MED13: variants seen among roughly 807,000 people sequenced by gnomAD.
The protein encoded by MED13 is mediator of RNA polymerase II transcription subunit 13.
Under a neutral mutation model 225.2 loss-of-function variants are expected in MED13, and 23 were observed. That is an observed-to-expected ratio of 0.10 (90% CI 0.07 to 0.14). MED13 has a LOEUF of 0.14. MED13 is among the 10% of genes least tolerant of loss of function. The pLI is 1.00. For missense variants in MED13, 2,197 were observed against 2,594.5 expected (o/e 0.85, Z 3.33); for synonymous variants, 942 against 889.2 (o/e 1.06, Z -1.06).
intron 15 of MED13, among the ~76,000 whole-genome samples, 191 bp from the exon 16 acceptor site, chr17:61,983,305 T>C (rs575602342): frequency 2.0e-5 from 3 of 152,312 alleles, no homozygotes; most frequent in African/African-American, 7.2e-5. Flanking sequence ...GTGATTGTTG[T>C]TGACTAAGGA....
Position 61,964,878 on chromosome 17 carries a change from G to T in MED13, c.4844+128C>A. On this transcript the variant is annotated intron_variant, in intron 20 of 29. Coordinates refer to ENST00000397786, the MANE Select transcript of MED13 (RefSeq NM_005121.3). Reference sequence around the variant, plus strand: ...TTGAACTCGGGAGGCAGAGGTTGCAGTGAGTGCAGATCCCACCACTGCAGT... The same window carrying T: ...TTGAACTCGGGAGGCAGAGGTTGCATTGAGTGCAGATCCCACCACTGCAGT... 5 of 840,486 alleles carry T rather than the reference G, an allele frequency of 5.9e-6. No individual in the cohort carries two copies. The South Asian group carries it at 9.3e-5, about 16-fold the overall frequency. The allele number at this position is 840,486 out of a possible 1,614,324, so 52.1% of individuals were successfully genotyped here. A position where few individuals can be genotyped will look rare whatever the true frequency, so the allele number is the denominator to read the frequency against.
intron 20 of MED13, among the ~76,000 whole-genome samples, chr17:61,963,951 A>G (rs1055964717): frequency 6.6e-6 from 1 of 152,240 alleles, no homozygotes; most frequent in Non-Finnish European, 1.5e-5. Flanking sequence ...AATGTATATT[A>G]TATCATATTA....
intron 26 of MED13, among the ~76,000 whole-genome samples, chr17:61,953,573 C>T (rs945639794): frequency 6.6e-6 from 1 of 152,142 alleles, no homozygotes; most frequent in African/African-American, 2.4e-5. Context: ...ATGCAAGTAG[C>T]CTGTAGAAAC....
At chr17:62,056,190 C>T (rs1386246893) in intron 2 of MED13, among the ~76,000 whole-genome samples, 6 of 152,160 alleles carry the variant, frequency 3.9e-5, no homozygotes, top group African/African-American at 9.7e-5. Flanking sequence ...AAACAAGAAG[C>T]CTACTGAGCC....
chr17:62,065,047 G>C (rs985816755), intron 1 of MED13, 93 bp downstream of exon 1: 55 of 1,156,460 alleles, frequency 4.8e-5, no homozygotes, highest in Non-Finnish European at 5.7e-5. Context: ...CCGGGAACTC[G>C]GGCATCTGGA....
chr17:61,987,724 T>C (rs1483571045), intron 11 of MED13, among the ~76,000 whole-genome samples: 2 of 152,076 alleles, frequency 1.3e-5, no homozygotes, highest in African/African-American at 4.8e-5. Flanking sequence ...AGAAAAACAA[T>C]TAAATACACA....
rs545265764 is a variant in MED13, at chr17:62,001,042, G to A, written c.1968-5677C>T. Among the ~76,000 whole-genome samples, 18 of 152,238 alleles carry A rather than the reference G, an allele frequency of 1.2e-4. No homozygotes were observed. The South Asian group carries it at 2.1e-3, about 18-fold the overall frequency. On this transcript the variant is annotated intron_variant, in intron 9 of 29. Transcript: ENST00000397786. Reference sequence around the variant, plus strand: ...CTCCCAAAGTGCTGGGATTACAGGCGTGAGTCACTGCGCCCAGCCTAGGTA... The same window carrying A: ...CTCCCAAAGTGCTGGGATTACAGGCATGAGTCACTGCGCCCAGCCTAGGTA...
chr17:61,947,614 G>C (rs960553595), intron 28 of MED13, among the ~76,000 whole-genome samples: 1 of 152,098 alleles, frequency 6.6e-6, no homozygotes, highest in Non-Finnish European at 1.5e-5. Context: ...CAAATAGTTT[G>C]GTTACAGCAC....
chr17:61,995,382 A>G lies in MED13; in HGVS notation c.1968-17T>C. 1 of 1,549,120 alleles carries G rather than the reference A, an allele frequency of 6.5e-7. No individual in the cohort carries two copies. Among genetic ancestry groups the G allele is most frequent in the Non-Finnish European group, 8.7e-7 (1 of 1,150,426 alleles). On this transcript the variant is annotated splice_polypyrimidine_tract_variant and intron_variant, in intron 9 of 29. Transcript: ENST00000397786. The stretch of plus-strand genomic sequence containing the variant: ...ACCATTAACCTGCATAAAAAAATTA[A>G]AAAAAATTAATTATCCACATAAGCA...
chr17:62,029,643 T>A lies in MED13; in HGVS notation c.1181A>T (p.Tyr394Phe). The A allele has an allele frequency of 6.2e-7, 1 of 1,611,626 alleles. No individual in the cohort carries two copies. The highest frequency in any genetic ancestry group is 8.5e-7 in the Non-Finnish European group (1 of 1,178,574). Residue 394 changes from tyrosine (Y) to phenylalanine (F), a missense_variant, in exon 8 of 30, where the codon TAT (tyrosine) becomes TTT (phenylalanine). Physicochemically the swap from Tyr to Phe is conservative, Grantham distance 22. This residue lies in a region of MED13 where 884 missense variants were observed against 918.5 expected (regional missense o/e 0.96). Coordinates refer to ENST00000397786, the MANE Select transcript of MED13 (RefSeq NM_005121.3). ...NMNRAQNKRKYSASSGGLCEE... is the reference protein window; with the variant it reads ...NMNRAQNKRKFSASSGGLCEE... ...GCATAGACCACCTGATGAAGCAGAA[T>A]ACTTCCTCCTAAGATTTAAAGTTAC...
intron 3 of MED13, 89 bp from the exon 4 acceptor site, chr17:62,035,697 G>A (rs2080796575): frequency 1.5e-6 from 2 of 1,334,366 alleles, no homozygotes; most frequent in Non-Finnish European, 2.0e-6. Flanking sequence ...ATGCAAAAAT[G>A]CATACCCTAT....
chr17:61,956,569 CTG>C, intron 23 of MED13, 88 bp from the exon 24 acceptor site: 1 of 1,342,248 alleles, frequency 7.5e-7, no homozygotes, highest in South Asian at 1.4e-5. Context: ...GAGTCTCACT[CTG>C]TCACCCAGGC....
intron 3 of MED13, among the ~76,000 whole-genome samples, chr17:62,051,036 T>C (rs2080952376): frequency 1.3e-5 from 2 of 152,192 alleles, no homozygotes; most frequent in Non-Finnish European, 2.9e-5. Context: ...ATGGCAGATA[T>C]TGTTAACTGC....
rs2080058286 is a variant in MED13, at chr17:61,966,388, T to TCTA, written c.4381+71_4381+73dup. Reference sequence around the variant, plus strand: ...ATGGCTGTGTTCCAATAAAATTTTATCTACAAAAACAGCTGGTGGAGCAGG... The same window carrying TCTA: ...ATGGCTGTGTTCCAATAAAATTTTATCTACTACAAAAACAGCTGGTGGAGCAGG... On this transcript the variant is annotated intron_variant, in intron 19 of 29. Coordinates refer to ENST00000397786, the MANE Select transcript of MED13 (RefSeq NM_005121.3). 3.4e-6 allele frequency: 4 copies of TCTA among 1,193,884 alleles called. No homozygotes were observed. In the Admixed American group the frequency reaches 7.1e-5, roughly 21 times the overall value. The allele number at this position is 1,193,884 out of a possible 1,614,324, so 74.0% of individuals were successfully genotyped here.
chr17:61,998,203 G>A (rs571923996), intron 9 of MED13, among the ~76,000 whole-genome samples: 1 of 152,050 alleles, frequency 6.6e-6, no homozygotes, highest in Non-Finnish European at 1.5e-5. Flanking sequence ...TTTAGAATAC[G>A]AATAACCCTC....
intron 9 of MED13, among the ~76,000 whole-genome samples, chr17:61,997,812 T>C (rs905896743): frequency 1.3e-5 from 2 of 152,172 alleles, no homozygotes; most frequent in African/African-American, 4.8e-5. Context: ...CGTTGTCCTC[T>C]GGCAGAAGTA....
chr17:62,030,726 C>T (rs2080747375), intron 6 of MED13: 1 of 152,098 alleles, frequency 6.6e-6, no homozygotes, highest in African/African-American at 2.4e-5. Flanking sequence ...GTAAAAAGTT[C>T]TTCTGTGTTT....
intron 9 of MED13, among the ~76,000 whole-genome samples, 153 bp from the exon 10 acceptor site, chr17:61,995,518 TAATTTATTGAAGTCTAA>T (rs2080339824): frequency 6.6e-6 from 1 of 152,224 alleles, no homozygotes; most frequent in East Asian, 1.9e-4. Flanking sequence ...AAATATTAAA[TAATTTATTGAAGTCTAA>T]AATTTAGCCA....
At chr17:62,015,950 ATATATTTTTTTTTT>A (rs1262167303) in intron 8 of MED13, among the ~76,000 whole-genome samples, 3 of 13,768 alleles carry the variant, frequency 2.2e-4, no homozygotes, top group African/African-American at 8.2e-4. Flanking sequence ...ATATATATAT[ATATATTTTTTTTTT>A]TTTTTTTTTT....
Sources: gnomAD v4.1 joint callset for allele counts (sites outside exome capture counted in the v4.1 genomes callset) on GRCh38, gnomAD v4.1.1 for gene constraint, gnomAD v4.1.1 regional missense constraint, MANE v1.5 for transcripts, NCBI Gene and HGNC (gene_info 2026-07-23, HGNC 2026-07-21) for gene names.